PRICKLE1: variants seen among roughly 807,000 people sequenced by gnomAD.
PRICKLE1 encodes prickle planar cell polarity protein 1, also known as prickle-like protein 1.
In PRICKLE1, 14 loss-of-function variants were observed where a neutral mutation model predicts 70.2. That is an observed-to-expected ratio of 0.20 (90% CI 0.13 to 0.31). The LOEUF (loss-of-function observed/expected upper bound fraction) is 0.31. Ranked by LOEUF, PRICKLE1 falls within the 10% of genes least tolerant of loss-of-function variation. The probability of loss-of-function intolerance (pLI) is 1.00; values close to 1 mark genes in which losing one functional copy is unlikely to be tolerated. For synonymous variants in PRICKLE1, 357 were observed against 379.9 expected (o/e 0.94, Z 0.70); for missense variants, 821 against 1,026.2 (o/e 0.80, Z 2.73).
rs779594296 is a variant in PRICKLE1 at position 42,464,735 on chromosome 12, A to T, written c.1299T>A (p.Asn433Lys). The change falls in exon 7 of 8, where the codon AAT (asparagine) becomes AAA (lysine). Residue 433 changes from asparagine (N) to lysine (K), a missense_variant. Asn to Lys is a moderately conservative substitution (Grantham distance 94, BLOSUM62 0). Coordinates refer to ENST00000345127, the MANE Select transcript of PRICKLE1 (RefSeq NM_153026.3). The surrounding 1 kb of genome is among the most constrained non-coding windows in gnomAD (Gnocchi z 4.2). The part of the protein sequence containing the change: ...GDKSLFQPQP[N>K]EMDIRASEHW... ...GCTCACTGGCTCGAATATCCATCTC[A>T]TTGGGCTGTGGCTGAAAGAGGCTTT... is the stretch of plus-strand genomic sequence containing the variant. 6.2e-7 allele frequency: 1 copy of T among 1,613,620 alleles called. No individual in the cohort carries two copies. Among genetic ancestry groups the T allele is most frequent in the Non-Finnish European group, 8.5e-7 (1 of 1,179,604 alleles).
chr12:42,583,148 C>T (rs1940930690), intron 1 of PRICKLE1, among the ~76,000 whole-genome samples: 1 of 148,236 alleles, frequency 6.7e-6, no homozygotes, highest in Non-Finnish European at 1.5e-5. Context: ...TAGATTGAAA[C>T]GTGTGTGTGT....
rs941065100 is a variant in PRICKLE1, at chr12:42,459,286, G to A, written c.*523C>T. The A allele has an allele frequency of 1.0e-5, 7 of 701,212 alleles. No homozygotes were observed. In the East Asian group the frequency reaches 1.6e-4, roughly 16 times the overall value. The allele number at this position is 701,212 out of a possible 1,614,324, so 43.4% of individuals were successfully genotyped here. On this transcript the variant is annotated 3_prime_UTR_variant, in exon 8 of 8. Transcript: ENST00000345127. The stretch of plus-strand genomic sequence containing the variant: ...TTTTTTTCAATCTGTAGCTGGCGCT[G>A]ATACAATACAATGTTTACCTGGCCA...
rs1939783267 is a variant in PRICKLE1 at position 42,525,376 on chromosome 12, A to G, written c.-48-52812T>C. ...TTCTGCGAGCCAGTACTAACAAATT[A>G]GTCAAACCCAAGGAGAGGGTCGAGG... On this transcript the variant is annotated intron_variant, in intron 1 of 7. Transcript: ENST00000345127. 2.6e-5 allele frequency among the ~76,000 whole-genome samples: 4 copies of G among 152,318 alleles called. No homozygotes were observed. In the South Asian group the frequency reaches 6.2e-4, roughly 24 times the overall value.
At chr12:42,557,403 T>C (rs1252825730) in intron 1 of PRICKLE1, among the ~76,000 whole-genome samples, 1 of 152,156 alleles carries the variant, frequency 6.6e-6, no homozygotes, top group Non-Finnish European at 1.5e-5. Flanking sequence ...GGAAAACGCA[T>C]TTCACATTCT....
chr12:42,576,260 C>T (rs1388858888), intron 1 of PRICKLE1, among the ~76,000 whole-genome samples: 1 of 152,208 alleles, frequency 6.6e-6, no homozygotes, highest in East Asian at 1.9e-4. Context: ...AAACAGCCCC[C>T]ATCACTTTGA....
chr12:42,504,331 A>C (rs1424696248), intron 1 of PRICKLE1, among the ~76,000 whole-genome samples: 1 of 152,206 alleles, frequency 6.6e-6, no homozygotes. Flanking sequence ...GCTTAGTTAT[A>C]ATTCAAGTGA....
intron 1 of PRICKLE1, among the ~76,000 whole-genome samples, chr12:42,529,949 CTTCCT>C (rs1470318970): frequency 1.0e-4 from 5 of 49,138 alleles, no homozygotes; most frequent in Non-Finnish European, 7.0e-5. Context: ...TTCTTCCTTC[CTTCCT>C]TTTTTTTTTT....
intron 1 of PRICKLE1, among the ~76,000 whole-genome samples, chr12:42,577,657 C>T (rs554465428): frequency 1.3e-5 from 2 of 152,286 alleles, no homozygotes; most frequent in East Asian, 1.9e-4. Context: ...CCTCTCCTCA[C>T]TTTACAACTG....
chr12:42,516,283 C>T (rs1220560245), intron 1 of PRICKLE1, among the ~76,000 whole-genome samples: 1 of 152,110 alleles, frequency 6.6e-6, no homozygotes, highest in East Asian at 1.9e-4. Context: ...AGGTGCCCAC[C>T]ACCACGCCTG....
intron 1 of PRICKLE1, among the ~76,000 whole-genome samples, chr12:42,515,495 G>C (rs1266142516): frequency 6.6e-6 from 1 of 152,130 alleles, no homozygotes; most frequent in African/African-American, 2.4e-5. Flanking sequence ...GTCTCCCAAA[G>C]TGCTGGGGAT....
chr12:42,529,442 G>A (rs921366918), intron 1 of PRICKLE1, among the ~76,000 whole-genome samples: 3 of 152,248 alleles, frequency 2.0e-5, no homozygotes, highest in South Asian at 2.1e-4. Context: ...TTGGGAGACA[G>A]AAGAGTCAAG....
At chr12:42,583,840 T>C (rs1940943515) in intron 1 of PRICKLE1, among the ~76,000 whole-genome samples, 1 of 152,162 alleles carries the variant, frequency 6.6e-6, no homozygotes. Context: ...ATTAGGACCA[T>C]CTTAGCACCT....
At chr12:42,561,277 C>A (rs1485768953) in intron 1 of PRICKLE1, among the ~76,000 whole-genome samples, 1 of 152,172 alleles carries the variant, frequency 6.6e-6, no homozygotes, top group African/African-American at 2.4e-5. Context: ...AAAAATAACA[C>A]AATAGAAAAG....
intron 1 of PRICKLE1, among the ~76,000 whole-genome samples, chr12:42,510,578 G>C (rs1301699916): frequency 1.0e-5 from 1 of 96,458 alleles, no homozygotes; most frequent in Non-Finnish European, 2.5e-5. Flanking sequence ...AAGGGAGAAA[G>C]CATAACTTTT....
chr12:42,488,511 T>G lies in PRICKLE1; in HGVS notation c.-48-15947A>C, dbSNP rs931235505. On this transcript the variant is annotated intron_variant, in intron 1 of 7. Transcript: ENST00000345127. ...CAGATAATTAAACTAGCATTCAGCT[T>G]AATTGAATAAAAAACTTTAGGTTCT... 7.2e-5 allele frequency among the ~76,000 whole-genome samples: 11 copies of G among 152,336 alleles called. No homozygotes were observed. The South Asian group carries it at 2.3e-3, about 32-fold the overall frequency.
intron 2 of PRICKLE1, 139 bp downstream of exon 2, chr12:42,472,246 C>T (rs1938351715): frequency 5.1e-6 from 5 of 980,010 alleles, no homozygotes; most frequent in Non-Finnish European, 1.5e-6. Context: ...AACTTCAAAG[C>T]CATACAAAGA....
intron 1 of PRICKLE1, among the ~76,000 whole-genome samples, chr12:42,556,928 T>A (rs930323691): frequency 3.9e-5 from 6 of 152,216 alleles, no homozygotes; most frequent in Admixed American, 6.5e-5. Flanking sequence ...CCTTCAGAGT[T>A]TATGGCTTAG....
chr12:42,502,914 C>A (rs914573238), intron 1 of PRICKLE1, among the ~76,000 whole-genome samples: 1 of 152,156 alleles, frequency 6.6e-6, no homozygotes, highest in South Asian at 2.1e-4. Flanking sequence ...GAAGAGTATG[C>A]AAACTTGCAG....
chr12:42,556,211 C>T (rs1940410250), intron 1 of PRICKLE1, among the ~76,000 whole-genome samples: 1 of 152,154 alleles, frequency 6.6e-6, no homozygotes, highest in South Asian at 2.1e-4. Context: ...CATTACAACC[C>T]TCTCCCTGCA....
Sources: allele counts gnomAD v4.1 joint callset (sites outside exome capture counted in the v4.1 genomes callset), GRCh38; gene constraint gnomAD v4.1.1; non-coding constraint Gnocchi (gnomAD v3.1); transcripts MANE v1.5; gene names NCBI Gene and HGNC (gene_info 2026-07-23, HGNC 2026-07-21).